VSIG10L2: variants seen among roughly 807,000 people sequenced by gnomAD.
VSIG10L2 encodes the protein V-set and immunoglobulin domain-containing protein 10-like 2.
VSIG10L2 carries 56 observed loss-of-function variants against 67.1 expected under a neutral mutation model. That is an observed-to-expected ratio of 0.83 (90% CI 0.67 to 1.04). The LOEUF (loss-of-function observed/expected upper bound fraction) is 1.04. Among genes scored for constraint, VSIG10L2 ranks in the 50% least tolerant of loss-of-function variants. VSIG10L2 has a pLI of 0.00. For synonymous variants in VSIG10L2, 360 were observed against 396.6 expected (o/e 0.91, Z 1.10); for missense variants, 843 against 932.8 (o/e 0.90, Z 1.25).
intron 6 of VSIG10L2, 120 bp downstream of exon 6, chr11:125,952,193 G>A (rs1360503625): frequency 6.1e-6 from 8 of 1,320,478 alleles, no homozygotes; most frequent in Admixed American, 3.1e-5. Flanking sequence ...CAGTGCGGAC[G>A]GGGAAGCTAG....
At position 125,953,598 on chromosome 11, in the gene VSIG10L2, A is replaced by G. The variant is rs1945407907; in HGVS notation, c.1694A>G (p.Asp565Gly). The G allele has an allele frequency of 1.6e-6, 2 of 1,232,186 alleles. No individual in the cohort carries two copies. Among genetic ancestry groups the G allele is most frequent in the Non-Finnish European group, 2.0e-6 (2 of 988,002 alleles). The allele number at this position is 1,232,186 out of a possible 1,614,324, so 76.3% of individuals were successfully genotyped here. A position where few individuals can be genotyped will look rare whatever the true frequency, so the allele number is the denominator to read the frequency against. Reference sequence around the variant, plus strand: ...GCCCAGCTGCGCCTGGGCATCTACGATGCTGACCCGGCACACCACAGGGGC... The same window carrying G: ...GCCCAGCTGCGCCTGGGCATCTACGGTGCTGACCCGGCACACCACAGGGGC... The part of the protein sequence containing the change: ...EGAQLRLGIY[D>G]ADPAHHRGTY... Residue 565 changes from aspartate to glycine, a missense_variant, in exon 7 of 12, where the codon GAT becomes GGT. Transcript: ENST00000686984.
At position 125,951,835 on chromosome 11, in the gene VSIG10L2, C is replaced by G; in HGVS notation, c.1257C>G (p.Thr419=). The part of the protein sequence containing the change: ...VMLWEPLGRP[T]CWSTATMGDQ... ...CAGGGGAGCCTCTCGGGAGGCCTAC[C>G]TGCTGGAGCACAGCCACAATGGGGG... is the stretch of plus-strand genomic sequence containing the variant. The change falls in exon 6 of 12, where the codon ACC becomes ACG. Residue 419 remains threonine, a synonymous_variant. Coordinates refer to ENST00000686984, the MANE Select transcript of VSIG10L2 (RefSeq NM_001365077.2). The G allele has an allele frequency of 2.6e-6, 4 of 1,516,702 alleles. No individual in the cohort carries two copies. Among genetic ancestry groups the G allele is most frequent in the Non-Finnish European group, 3.5e-6 (4 of 1,134,912 alleles). The allele number at this position is 1,516,702 out of a possible 1,614,324, so 94.0% of individuals were successfully genotyped here.
chr11:125,948,568 C>T lies in VSIG10L2; in HGVS notation c.697C>T (p.Leu233=). ...VNRLSSDGAF[L]DVIYGPDKPV... is the part of the protein sequence containing the mutation. ...CAGGCTGAGCAGTGACGGGGCCTTCCTGGACGTCATTTGTGAGTCAGACTG... is the reference window on the plus strand; with the variant it reads ...CAGGCTGAGCAGTGACGGGGCCTTCTTGGACGTCATTTGTGAGTCAGACTG... The change falls in exon 3 of 12, where the codon CTG becomes TTG. Residue 233 remains leucine (L), a synonymous_variant. Transcript: ENST00000686984. 8.1e-7 allele frequency: 1 copy of T among 1,232,306 alleles called. No individual in the cohort carries two copies. The highest frequency in any genetic ancestry group is 1.0e-6 in the Non-Finnish European group (1 of 988,094). The allele number at this position is 1,232,306 out of a possible 1,614,324, so 76.3% of individuals were successfully genotyped here. A position where few individuals can be genotyped will look rare whatever the true frequency, so the allele number is the denominator to read the frequency against.
Position 125,946,175 on chromosome 11 carries a change from C to T in VSIG10L2, c.82+38C>T, listed in dbSNP as rs1467494456. ...CAGACCCCCCAGGGGGTTCATTTCC[C>T]ACTCCCATCCCATTATTCCTGCCAC... On this transcript the variant is annotated intron_variant, in intron 1 of 11. Transcript: ENST00000686984. The surrounding 1 kb of genome is among the most constrained non-coding windows in gnomAD (Gnocchi z 4.4). The T allele has an allele frequency of 1.5e-5, 6 of 398,846 alleles. No individual in the cohort carries two copies. The allele number at this position is 398,846 out of a possible 1,614,324, so 24.7% of individuals were successfully genotyped here.
In VSIG10L2 at chr11:125,954,288, G is replaced by T. The variant is rs1005504571; in HGVS notation, c.1988G>T (p.Arg663Leu). 6 of 1,232,104 alleles carry T rather than the reference G, an allele frequency of 4.9e-6. No homozygotes were observed. In the African/African-American group the frequency reaches 9.3e-5, roughly 19 times the overall value. The allele number at this position is 1,232,104 out of a possible 1,614,324, so 76.3% of individuals were successfully genotyped here. A position where few individuals can be genotyped will look rare whatever the true frequency, so the allele number is the denominator to read the frequency against. ...ATCGAGCCAGAGAGCCGAGGACGGC[G>T]GCTGGGGGGCTTGGACCCCGGGGTC... ...SDIEPESRGR[R>L]LGGLDPGVLY... The change falls in exon 8 of 12, where the codon CGG (arginine) becomes CTG (leucine). Residue 663 changes from arginine to leucine, a missense_variant. Arg to Leu is a moderately radical substitution (Grantham distance 102, BLOSUM62 -2). Around this residue, in one of 2 missense-constraint regions of VSIG10L2, gnomAD observed 397 missense variants for 384.4 expected, o/e 1.03. Coordinates refer to ENST00000686984, the MANE Select transcript of VSIG10L2 (RefSeq NM_001365077.2).
Position 125,950,950 on chromosome 11 carries a change from C to T in VSIG10L2, c.1026C>T (p.Ser342=). ...EGQPSCAVHP[S]PEAVTLLCAW... The stretch of plus-strand genomic sequence containing the variant: ...AGCCCTCCTGTGCAGTGCATCCCAG[C>T]CCTGAGGCTGTGACCCTGCTCTGTG... Residue 342 remains serine (S), a synonymous_variant, in exon 5 of 12, where the codon AGC becomes AGT. Transcript: ENST00000686984. 1 of 1,232,448 alleles carries T rather than the reference C, an allele frequency of 8.1e-7. No homozygotes were observed. Among genetic ancestry groups the T allele is most frequent in the East Asian group, 3.2e-5 (1 of 31,694 alleles). The allele number at this position is 1,232,448 out of a possible 1,614,324, so 76.3% of individuals were successfully genotyped here.
chr11:125,949,855 C>T (rs567176521), intron 3 of VSIG10L2, among the ~76,000 whole-genome samples, 159 bp from the exon 4 acceptor site: 1 of 152,188 alleles, frequency 6.6e-6, no homozygotes, highest in Non-Finnish European at 1.5e-5. Context: ...GTGCCCATGG[C>T]CCCTGGACTC....
rs769668037 is a variant in VSIG10L2 at position 125,954,278 on chromosome 11, C to T, written c.1978C>T (p.Arg660Ter). 54 of 1,232,122 alleles carry T rather than the reference C, an allele frequency of 4.4e-5. No homozygotes were observed. The highest frequency in any genetic ancestry group is 8.4e-5 in the Admixed American group (2 of 23,704). The allele number at this position is 1,232,122 out of a possible 1,614,324, so 76.3% of individuals were successfully genotyped here. A position where few individuals can be genotyped will look rare whatever the true frequency, so the allele number is the denominator to read the frequency against. Residue 660 changes from arginine (R) to a stop codon, truncating the protein, a stop_gained, in exon 8 of 12, where the codon CGA (arginine) becomes TGA (stop). Coordinates refer to ENST00000686984, the MANE Select transcript of VSIG10L2 (RefSeq NM_001365077.2). LOFTEE classifies it high-confidence loss of function. ...TAASDIEPES[R>*]GRRLGGLDPG... is the part of the protein sequence containing the mutation. ...AGCTAGTGACATCGAGCCAGAGAGCCGAGGACGGCGGCTGGGGGGCTTGGA... is the reference window on the plus strand; with the variant it reads ...AGCTAGTGACATCGAGCCAGAGAGCTGAGGACGGCGGCTGGGGGGCTTGGA...
chr11:125,955,704 AAG>A (rs1294366387), intron 11 of VSIG10L2, 37 bp downstream of exon 11: 2 of 1,513,588 alleles, frequency 1.3e-6, no homozygotes, highest in Non-Finnish European at 1.8e-6. Context: ...ACTCGTGTAC[AAG>A]GAGACCAGTG....
At position 125,951,899 on chromosome 11, in the gene VSIG10L2, G is replaced by A. The variant is rs750569847; in HGVS notation, c.1321G>A (p.Glu441Lys). 5.9e-6 allele frequency: 9 copies of A among 1,535,362 alleles called. No individual in the cohort carries two copies. In the East Asian group the frequency reaches 7.3e-5, roughly 13 times the overall value. Residue 441 changes from glutamate to lysine, a missense_variant, in exon 6 of 12, where the codon GAG (glutamate) becomes AAG (lysine). By Grantham distance (56) the Glu-to-Lys change is moderately conservative. Coordinates refer to ENST00000686984, the MANE Select transcript of VSIG10L2 (RefSeq NM_001365077.2). ...GCTGAGCTGCGAGTGGCCTGGCGGC[G>A]AGCCCCCTGCCACGCTGGGCTGGCT... ...IMLSCEWPGG[E>K]PPATLGWLDE...
intron 7 of VSIG10L2, 138 bp downstream of exon 7, chr11:125,953,828 G>C (rs976328028): frequency 1.2e-6 from 1 of 837,254 alleles, no homozygotes; most frequent in African/African-American, 1.8e-5. Flanking sequence ...GCATAGGCAG[G>C]ACTCAAGAGA....
At chr11:125,954,056 T>C (rs989416006) in intron 7 of VSIG10L2, 31 bp from the exon 8 acceptor site, 4 of 1,231,262 alleles carry the variant, frequency 3.2e-6, no homozygotes, top group African/African-American at 1.6e-5. Flanking sequence ...TAGGTATACA[T>C]GTCCCTTGTT....
Position 125,953,478 on chromosome 11 carries a change from G to T in VSIG10L2, c.1574G>T (p.Arg525Leu). The T allele has an allele frequency of 8.1e-7, 1 of 1,232,298 alleles. No individual in the cohort carries two copies. The highest frequency in any genetic ancestry group is 1.0e-6 in the Non-Finnish European group (1 of 988,134). 76.3% of individuals were successfully genotyped at this position (1,232,298 alleles called of 1,614,324 possible). The change falls in exon 7 of 12, where the codon CGC (arginine) becomes CTC (leucine). Residue 525 changes from arginine (R) to leucine (L), a missense_variant. Around this residue, in one of 2 missense-constraint regions of VSIG10L2, gnomAD observed 397 missense variants for 384.4 expected, o/e 1.03. Transcript: ENST00000686984. ...GAGGCCTGGCTGGAGTGCTCTCTCC[G>T]CGGGGGCACACCACCTGCCCAGCTC... ...GGEAWLECSLRGGTPPAQLLW... is the reference protein window; with the variant it reads ...GGEAWLECSLLGGTPPAQLLW...
intron 5 of VSIG10L2, among the ~76,000 whole-genome samples, 153 bp downstream of exon 5, chr11:125,951,311 T>C (rs1260566594): frequency 2.6e-5 from 4 of 152,030 alleles, no homozygotes; most frequent in African/African-American, 7.2e-5. Context: ...GGCACTCAGC[T>C]CTCAGTCCCC....
chr11:125,955,804 A>G lies in VSIG10L2; in HGVS notation c.2285-13A>G, dbSNP rs1179006870. 1 of 815,470 alleles carries G rather than the reference A, an allele frequency of 1.2e-6. No individual in the cohort carries two copies. The highest frequency in any genetic ancestry group is 2.6e-5 in the East Asian group (1 of 37,782). The allele number at this position is 815,470 out of a possible 1,614,324, so 50.5% of individuals were successfully genotyped here. A position where few individuals can be genotyped will look rare whatever the true frequency, so the allele number is the denominator to read the frequency against. ...GCATCCCTCTGTTCTTTGCCCACAT[A>G]TGCTCTTCATAGGCCTTGAAACACC... On this transcript the variant is annotated splice_polypyrimidine_tract_variant and intron_variant, in intron 11 of 11. Transcript: ENST00000686984.
Position 125,946,175 on chromosome 11 carries a change from C to A in VSIG10L2, c.82+38C>A. Reference sequence around the variant, plus strand: ...CAGACCCCCCAGGGGGTTCATTTCCCACTCCCATCCCATTATTCCTGCCAC... The same window carrying A: ...CAGACCCCCCAGGGGGTTCATTTCCAACTCCCATCCCATTATTCCTGCCAC... On this transcript the variant is annotated intron_variant, in intron 1 of 11. Coordinates refer to ENST00000686984, the MANE Select transcript of VSIG10L2 (RefSeq NM_001365077.2). The surrounding 1 kb of genome is among the most constrained non-coding windows in gnomAD (Gnocchi z 4.4). 1 of 398,964 alleles carries A rather than the reference C, an allele frequency of 2.5e-6. No individual in the cohort carries two copies. Among genetic ancestry groups the A allele is most frequent in the Non-Finnish European group, 4.4e-6 (1 of 226,098 alleles). 24.7% of individuals were successfully genotyped at this position (398,964 alleles called of 1,614,324 possible).
chr11:125,949,880 G>GCCT lies in VSIG10L2; in HGVS notation c.710-133_710-131dup, dbSNP rs1945342890. 1.6e-5 allele frequency: 15 copies of GCCT among 939,406 alleles called. No individual in the cohort carries two copies. In the South Asian group the frequency reaches 7.4e-4, roughly 46 times the overall value. 58.2% of individuals were successfully genotyped at this position (939,406 alleles called of 1,614,324 possible). A position where few individuals can be genotyped will look rare whatever the true frequency, so the allele number is the denominator to read the frequency against. Reference sequence around the variant, plus strand: ...CCCCTGGACTCTGAGCTCTAAGAGGGCCTAGCCTTGGGGTGGACACGGGCC... The same window carrying GCCT: ...CCCCTGGACTCTGAGCTCTAAGAGGGCCTCCTAGCCTTGGGGTGGACACGGGCC... On this transcript the variant is annotated intron_variant, in intron 3 of 11. Coordinates refer to ENST00000686984, the MANE Select transcript of VSIG10L2 (RefSeq NM_001365077.2).
At position 125,950,385 on chromosome 11, in the gene VSIG10L2, G is replaced by A. The variant is rs544896561; in HGVS notation, c.985+96G>A. 4.4e-4 allele frequency: 513 copies of A among 1,178,038 alleles called. No homozygotes were observed. The East Asian group carries it at 7.4e-3, about 17-fold the overall frequency. 73.0% of individuals were successfully genotyped at this position (1,178,038 alleles called of 1,614,324 possible). ...GTTCTGGGGCAGACCCCGCCGTCCC[G>A]TGGAGAGGCGTGTGCCAAAGCTGCT... is the stretch of plus-strand genomic sequence containing the variant. On this transcript the variant is annotated intron_variant, in intron 4 of 11. Transcript: ENST00000686984.
intron 6 of VSIG10L2, among the ~76,000 whole-genome samples, 197 bp downstream of exon 6, chr11:125,952,270 G>A (rs1945388478): frequency 6.6e-6 from 1 of 152,148 alleles, no homozygotes; most frequent in South Asian, 2.1e-4. Context: ...AGGGGGTTAG[G>A]CTAGGTCAGA....
Sources: allele counts gnomAD v4.1 joint callset (sites outside exome capture counted in the v4.1 genomes callset), GRCh38; gene constraint gnomAD v4.1.1; regional missense constraint gnomAD v4.1.1; non-coding constraint Gnocchi (gnomAD v3.1); transcripts MANE v1.5; gene names NCBI Gene and HGNC (gene_info 2026-07-23, HGNC 2026-07-21).